Variants in ZNF622 observed in about 807,000 individuals in gnomAD.
ZNF622 encodes cytoplasmic 60S subunit biogenesis factor ZNF622.
In ZNF622, 34 loss-of-function variants were observed where a neutral mutation model predicts 49.7. The observed-to-expected ratio is 0.68, with a 90% CI of 0.52 to 0.91. The LOEUF (loss-of-function observed/expected upper bound fraction) is 0.91. Ranked by LOEUF, ZNF622 falls within the 40% of genes least tolerant of loss-of-function variation. The pLI, the probability that ZNF622 is intolerant of heterozygous loss-of-function variation, is 0.00. For synonymous variants in ZNF622, 209 were observed against 228.7 expected (o/e 0.91, Z 0.78); for missense variants, 569 against 616.4 (o/e 0.92, Z 0.81).
At chr5:16,451,975 C>T (rs1478106524) in intron 5 of ZNF622, among the ~76,000 whole-genome samples, 191 bp from the exon 6 acceptor site, 1 of 152,036 alleles carries the variant, frequency 6.6e-6, no homozygotes, top group East Asian at 1.9e-4. Context: ...AATTGCATAC[C>T]AGAACTTTTG....
intron 4 of ZNF622, among the ~76,000 whole-genome samples, chr5:16,453,876 T>C (rs1206447581): frequency 1.3e-5 from 2 of 152,032 alleles, no homozygotes; most frequent in Admixed American, 6.5e-5. Flanking sequence ...TAACAAAGAA[T>C]TATTCAGTCC....
chr5:16,465,455 C>A lies in ZNF622; in HGVS notation c.211G>T (p.Val71Phe). 3.1e-6 allele frequency: 5 copies of A among 1,614,268 alleles called. No individual in the cohort carries two copies. Among genetic ancestry groups the A allele is most frequent in the Non-Finnish European group, 3.4e-6 (4 of 1,180,052 alleles). The part of the protein sequence containing the change: ...ESKGSATYCT[V>F]CSKKFASFNA... Reference sequence around the variant, plus strand: ...AAAGAGGCAAACTTCTTACTGCAAACGGTGCAGTAGGTGGCCGAGCCCTTG... The same window carrying A: ...AAAGAGGCAAACTTCTTACTGCAAAAGGTGCAGTAGGTGGCCGAGCCCTTG... The change falls in exon 1 of 6, where the codon GTT becomes TTT. Residue 71 changes from valine (V) to phenylalanine (F), a missense_variant. Transcript: ENST00000308683. The surrounding 1 kb of genome is among the most constrained non-coding windows in gnomAD (Gnocchi z 6.2).
At chr5:16,451,831 G>A (rs760175346) in intron 5 of ZNF622, 47 bp from the exon 6 acceptor site, 2 of 1,585,642 alleles carry the variant, frequency 1.3e-6, no homozygotes, top group Non-Finnish European at 1.7e-6. Flanking sequence ...TCTGTTATTT[G>A]TGATCAGAGA....
At chr5:16,462,655 GA>G (rs1212324788) in intron 3 of ZNF622, among the ~76,000 whole-genome samples, 4 of 150,650 alleles carry the variant, frequency 2.7e-5, no homozygotes, top group Non-Finnish European at 3.0e-5. Context: ...CTTTCTCAGA[GA>G]AAAAAAAAGA....
intron 4 of ZNF622, among the ~76,000 whole-genome samples, chr5:16,454,216 G>C (rs1005850732): frequency 2.0e-5 from 3 of 151,986 alleles, no homozygotes; most frequent in Non-Finnish European, 4.4e-5. Flanking sequence ...GGCCGGGTGC[G>C]GTGGCTCACG....
chr5:16,462,958 T>C, intron 3 of ZNF622, 150 bp downstream of exon 3: 1 of 696,066 alleles, frequency 1.4e-6, no homozygotes, highest in Non-Finnish European at 2.2e-6. Context: ...GTTTCTCAAC[T>C]ACAAAGAAAG....
chr5:16,453,095 T>C lies in ZNF622; in HGVS notation c.1224A>G (p.Arg408=). 6.3e-7 allele frequency: 1 copy of C among 1,587,128 alleles called. No homozygotes were observed. The highest frequency in any genetic ancestry group is 8.6e-7 in the Non-Finnish European group (1 of 1,163,660). The change falls in exon 5 of 6, where the codon AGA becomes AGG. Residue 408 remains arginine, a synonymous_variant. Coordinates refer to ENST00000308683, the MANE Select transcript of ZNF622 (RefSeq NM_033414.3). ...TCCGATTTTTGGCAACTGCCACAGC[T>C]CTTGACAAGCCAAATCGCTGTTTGT... ...RYYKQRFGLS[R]AVAVAKNRKA...
chr5:16,454,467 A>G, intron 4 of ZNF622, among the ~76,000 whole-genome samples: 1 of 138,484 alleles, frequency 7.2e-6, no homozygotes, highest in African/African-American at 2.7e-5. Flanking sequence ...CAGCCTGGGC[A>G]ACACAGCAAG....
At chr5:16,455,301 C>A (rs531689069) in intron 4 of ZNF622, among the ~76,000 whole-genome samples, 1 of 152,136 alleles carries the variant, frequency 6.6e-6, no homozygotes, top group Admixed American at 6.6e-5. Flanking sequence ...CTTTTAGGAT[C>A]CAGACTTTCA....
Position 16,463,027 on chromosome 5 carries a change from C to T in ZNF622, c.1049+81G>A, listed in dbSNP as rs1441952036. ...TAAGGATATGTTGTACAGTGCCAAA[C>T]ATATCCAGCACTGGCACACCTAATA... On this transcript the variant is annotated intron_variant, in intron 3 of 5. Coordinates refer to ENST00000308683, the MANE Select transcript of ZNF622 (RefSeq NM_033414.3). This position sits in a 1 kb window ranked among gnomAD's most constrained non-coding sequence, Gnocchi z 4.2. The T allele has an allele frequency of 2.1e-6, 3 of 1,449,192 alleles. No individual in the cohort carries two copies. Among genetic ancestry groups the T allele is most frequent in the East Asian group, 4.6e-5 (2 of 43,738 alleles). 89.8% of individuals were successfully genotyped at this position (1,449,192 alleles called of 1,614,324 possible).
chr5:16,453,184 CACTG>C (rs765460523), intron 4 of ZNF622, 28 bp from the exon 5 acceptor site: 1 of 1,445,056 alleles, frequency 6.9e-7, no homozygotes, highest in Non-Finnish European at 9.2e-7. Flanking sequence ...AATACTGAAA[CACTG>C]AGTTGGATAG....
In ZNF622 at chr5:16,465,049, T is replaced by A; in HGVS notation, c.617A>T (p.Asp206Val). The change falls in exon 1 of 6, where the codon GAT becomes GTT. Residue 206 changes from aspartate (D) to valine (V), a missense_variant. Physicochemically the swap from Asp to Val is radical, Grantham distance 152. Coordinates refer to ENST00000308683, the MANE Select transcript of ZNF622 (RefSeq NM_033414.3). This position sits in a 1 kb window ranked among gnomAD's most constrained non-coding sequence, Gnocchi z 6.2. ...EDSEEEEEDL[D>V]GDDWEDIDSD... ...CCAGACAGGGCCATCACCGTCTCCA[T>A]CCAGGTCCTCTTCCTCCTCCTCGCT... is the stretch of plus-strand genomic sequence containing the variant. 6.3e-7 allele frequency: 1 copy of A among 1,589,362 alleles called. No homozygotes were observed. The highest frequency in any genetic ancestry group is 1.1e-5 in the South Asian group (1 of 87,086).
At chr5:16,460,928 C>T (rs1339513687) in intron 3 of ZNF622, among the ~76,000 whole-genome samples, 1 of 152,078 alleles carries the variant, frequency 6.6e-6, no homozygotes, top group African/African-American at 2.4e-5. Flanking sequence ...CAACAAAAGG[C>T]TAGGGCTTGA....
chr5:16,458,100 T>C (rs1399898873), intron 4 of ZNF622, among the ~76,000 whole-genome samples: 1 of 151,978 alleles, frequency 6.6e-6, no homozygotes, highest in Non-Finnish European at 1.5e-5. Context: ...ATGAGTCAGA[T>C]ACACCCACAC....
chr5:16,458,471 C>T (rs1284814268), intron 4 of ZNF622, 46 bp downstream of exon 4: 3 of 1,309,792 alleles, frequency 2.3e-6, no homozygotes, highest in African/African-American at 1.5e-5. Context: ...GCTTCTCCCT[C>T]AATCCCACTG....
chr5:16,454,831 C>T (rs994469086), intron 4 of ZNF622, among the ~76,000 whole-genome samples: 5 of 152,138 alleles, frequency 3.3e-5, no homozygotes, highest in Non-Finnish European at 7.4e-5. Context: ...TAAACGATCA[C>T]CTCTGGCCCT....
Position 16,464,861 on chromosome 5 carries a change from C to G in ZNF622, c.625+180G>C, listed in dbSNP as rs551551702. On this transcript the variant is annotated intron_variant, in intron 1 of 5. Coordinates refer to ENST00000308683, the MANE Select transcript of ZNF622 (RefSeq NM_033414.3). ...GGCCTTGGAGAATGAATTGAGTGAA[C>G]TAAACAGCCAAACCTGCTGGCCAGA... Among the ~76,000 whole-genome samples the G allele has an allele frequency of 3.9e-5, 6 of 152,306 alleles. No homozygotes were observed. In the South Asian group the frequency reaches 1.2e-3, roughly 32 times the overall value.
chr5:16,458,360 A>C (rs1738066748), intron 4 of ZNF622, among the ~76,000 whole-genome samples, 157 bp downstream of exon 4: 1 of 152,196 alleles, frequency 6.6e-6, no homozygotes, highest in African/African-American at 2.4e-5. Context: ...CTTAGAGCTG[A>C]GCAGCAACCT....
At position 16,465,425 on chromosome 5, in the gene ZNF622, C is replaced by G. The variant is rs780755989; in HGVS notation, c.241G>C (p.Ala81Pro). 3.7e-6 allele frequency: 6 copies of G among 1,614,130 alleles called. No homozygotes were observed. In the African/African-American group the frequency reaches 6.7e-5, roughly 18 times the overall value. The stretch of plus-strand genomic sequence containing the variant: ...CGGGACTTGAGGTGGTTCTCGTAGG[C>G]GTTGAAAGAGGCAAACTTCTTACTG... ...VCSKKFASFN[A>P]YENHLKSRRH... Residue 81 changes from alanine (A) to proline (P), a missense_variant, in exon 1 of 6, where the codon GCC becomes CCC. Physicochemically the swap from Ala to Pro is conservative, Grantham distance 27 (BLOSUM62 -1). Transcript: ENST00000308683. This position sits in a 1 kb window ranked among gnomAD's most constrained non-coding sequence, Gnocchi z 6.2.
Sources: allele counts gnomAD v4.1 joint callset (sites outside exome capture counted in the v4.1 genomes callset), GRCh38; gene constraint gnomAD v4.1.1; non-coding constraint Gnocchi (gnomAD v3.1); transcripts MANE v1.5; gene names NCBI Gene and HGNC (gene_info 2026-07-23, HGNC 2026-07-21).